Variants in TENM1 observed in about 807,000 individuals in gnomAD.
TENM1 encodes the protein teneurin transmembrane protein 1.
Under a neutral mutation model 174.8 loss-of-function variants are expected in TENM1, and 35 were observed. The observed-to-expected ratio is 0.20, with a 90% CI of 0.15 to 0.27. The LOEUF is 0.27. Among genes scored for constraint, TENM1 ranks in the 10% least tolerant of loss-of-function variants. The pLI is 1.00. For synonymous variants in TENM1, 781 were observed against 798.7 expected (o/e 0.98, Z 0.37); for missense variants, 1,633 against 2,130.1 (o/e 0.77, Z 4.59).
At chrX:124,569,259 G>A (rs1405603215) in intron 11 of TENM1, among the ~76,000 whole-genome samples, 1 of 111,091 alleles carries the variant, frequency 9.0e-6, no homozygotes, top group African/African-American at 3.3e-5. Flanking sequence ...AATAAATGAA[G>A]CAAAATTGAA....
At chrX:125,062,735 A>G in the TENM1 span, among the ~76,000 whole-genome samples, 1 of 111,867 alleles carries the variant, frequency 8.9e-6, no homozygotes, top group Non-Finnish European at 1.9e-5. Context: ...GGCCCTCATG[A>G]AAGATTTCCA....
intron 3 of TENM1, among the ~76,000 whole-genome samples, chrX:124,893,051 T>C (rs1456873118): frequency 8.9e-6 from 1 of 112,169 alleles, no homozygotes; most frequent in Non-Finnish European, 1.9e-5. Flanking sequence ...ATTTACACTC[T>C]TATCTTAACT....
chrX:125,189,858 A>C, the TENM1 span, among the ~76,000 whole-genome samples: 2 of 112,379 alleles, frequency 1.8e-5, no homozygotes, highest in African/African-American at 6.5e-5. Flanking sequence ...GATTTCTGTT[A>C]GTTTAGAAAA....
In TENM1 at chrX:124,737,071, A is replaced by G. The variant is rs758248378; in HGVS notation, c.662T>C (p.Met221Thr). 1.2e-5 allele frequency: 14 copies of G among 1,209,428 alleles called. No individual in the cohort carries two copies. In the South Asian group the frequency reaches 2.1e-4, roughly 18 times the overall value. The change falls in exon 4 of 32, where the codon ATG becomes ACG. Residue 221 changes from methionine (M) to threonine (T), a missense_variant. Met to Thr is a moderately conservative substitution (Grantham distance 81, BLOSUM62 -1). Around this residue, in one of 4 missense-constraint regions of TENM1, gnomAD observed 305 missense variants for 309.2 expected, o/e 0.99. Coordinates refer to ENST00000422452, the Ensembl canonical transcript of TENM1. Reference sequence around the variant, plus strand: ...TGGGCTGGGCTGGCTGCGGGTAGTCATTGATCTCCTCTGAAGAGAGTCCGC... The same window carrying G: ...TGGGCTGGGCTGGCTGCGGGTAGTCGTTGATCTCCTCTGAAGAGAGTCCGC...
intron 5 of TENM1, among the ~76,000 whole-genome samples, chrX:124,688,215 CCT>C (rs1315130386): frequency 9.4e-6 from 1 of 106,276 alleles, no homozygotes. Flanking sequence ...CTCTCCTCTC[CCT>C]TCTCTTCTCT....
intron 3 of TENM1, among the ~76,000 whole-genome samples, chrX:124,807,284 A>G (rs2055626902): frequency 8.9e-6 from 1 of 111,992 alleles, no homozygotes; most frequent in African/African-American, 3.2e-5. Flanking sequence ...TCCAAATTCT[A>G]TCACCAGGAG....
At chrX:125,153,557 G>C in the TENM1 span, among the ~76,000 whole-genome samples, 1 of 112,197 alleles carries the variant, frequency 8.9e-6, no homozygotes, top group Admixed American at 9.4e-5. Context: ...CATTTGTAGA[G>C]CTTTCACTTT....
intron 11 of TENM1, among the ~76,000 whole-genome samples, chrX:124,615,704 T>C (rs1190636928): frequency 8.9e-6 from 1 of 111,864 alleles, no homozygotes; most frequent in African/African-American, 3.2e-5. Context: ...TGGTTTTTAG[T>C]AGTGAGATAT....
rs192550704 is a variant in TENM1, at chrX:124,722,327, G to T, written c.776+14630C>A. On this transcript the variant is annotated intron_variant, in intron 4 of 31. Transcript: ENST00000422452. ...TATTAAGTATCTTCTTCAGTAACAA[G>T]GGACCGCCTAGTGTTTTTTGTATGC... 2.2e-4 allele frequency among the ~76,000 whole-genome samples: 25 copies of T among 111,725 alleles called. 1 individual carries two copies. The highest frequency in any genetic ancestry group is 2.2e-3 in the Admixed American group (23 of 10,580).
intron 3 of TENM1, among the ~76,000 whole-genome samples, chrX:124,878,751 A>T (rs1487554558): frequency 9.0e-6 from 1 of 111,323 alleles, no homozygotes; most frequent in Non-Finnish European, 1.9e-5. Context: ...AAACAGACAC[A>T]CAGACAAATA....
chrX:125,139,654 T>C, the TENM1 span, among the ~76,000 whole-genome samples: 1 of 111,179 alleles, frequency 9.0e-6, no homozygotes, highest in Middle Eastern at 4.7e-3. Flanking sequence ...CACAACATGA[T>C]ACATCAAGCC....
chrX:125,061,176 T>C, the TENM1 span, among the ~76,000 whole-genome samples: 2 of 111,268 alleles, frequency 1.8e-5, no homozygotes, highest in Non-Finnish European at 3.8e-5. Flanking sequence ...AAATAAGAAA[T>C]GGGGACAATT....
chrX:124,848,400 C>T (rs895322182), intron 3 of TENM1, among the ~76,000 whole-genome samples: 24 of 111,099 alleles, frequency 2.2e-4, no homozygotes, highest in African/African-American at 6.2e-4. Context: ...CCTCCTATCA[C>T]GTTCCTAAGA....
chrX:124,543,081 T>C (rs2048355831), intron 15 of TENM1, among the ~76,000 whole-genome samples: 1 of 111,762 alleles, frequency 8.9e-6, no homozygotes, highest in African/African-American at 3.3e-5. Flanking sequence ...AGGCATGACA[T>C]TGAAAGTGAA....
chrX:125,197,614 A>G, the TENM1 span, among the ~76,000 whole-genome samples: 1 of 111,791 alleles, frequency 8.9e-6, no homozygotes, highest in East Asian at 2.8e-4. Flanking sequence ...TTAGTATCAC[A>G]CAGATATAGT....
At chrX:125,132,007 C>A in the TENM1 span, among the ~76,000 whole-genome samples, 2 of 112,293 alleles carry the variant, frequency 1.8e-5, no homozygotes, top group East Asian at 5.6e-4. Context: ...GGGGTGATTT[C>A]AATTTTCAAT....
intron 18 of TENM1, among the ~76,000 whole-genome samples, chrX:124,517,781 G>C (rs2047747171): frequency 9.2e-6 from 1 of 108,776 alleles, no homozygotes; most frequent in South Asian, 4.1e-4. Context: ...CCTGGACGTT[G>C]TGCACATGTA....
chrX:125,084,661 C>T, the TENM1 span, among the ~76,000 whole-genome samples: 1 of 110,803 alleles, frequency 9.0e-6, no homozygotes. Flanking sequence ...CCCAAAGTCA[C>T]CAACTAACTG....
chrX:124,751,934 T>C (rs1402355531), intron 3 of TENM1, among the ~76,000 whole-genome samples: 2 of 110,643 alleles, frequency 1.8e-5, no homozygotes, highest in African/African-American at 6.6e-5. Flanking sequence ...CTATTGTTAA[T>C]AGTGCCGCAA....
Sources: gnomAD v4.1 joint callset for allele counts (sites outside exome capture counted in the v4.1 genomes callset) on GRCh38, gnomAD v4.1.1 for gene constraint, gnomAD v4.1.1 regional missense constraint, MANE v1.5 for transcripts, NCBI Gene and HGNC (gene_info 2026-07-23, HGNC 2026-07-21) for gene names.